MECOM: variants seen among roughly 807,000 people sequenced by gnomAD.
The protein encoded by MECOM is MDS1 and EVI1 complex locus.
MECOM carries 13 observed loss-of-function variants against 116.3 expected under a neutral mutation model. That is an observed-to-expected ratio of 0.11 (90% CI 0.07 to 0.18). The LOEUF is 0.18. MECOM is among the 10% of genes least tolerant of loss of function. The pLI, the probability that MECOM is intolerant of heterozygous loss-of-function variation, is 1.00. For synonymous variants in MECOM, 528 were observed against 535.2 expected, an observed-to-expected ratio of 0.99 and a Z score of 0.19; for missense variants, 1,299 against 1,509.0, an observed-to-expected ratio of 0.86 and a Z score of 2.31.
chr3:169,149,564 G>C (rs1740811315), intron 2 of MECOM: 6 of 316,252 alleles, frequency 1.9e-5, no homozygotes, highest in South Asian at 1.5e-4. Context: ...CTGCCCGCCA[G>C]GCGCCGGCAA....
intron 1 of MECOM, among the ~76,000 whole-genome samples, chr3:169,498,679 T>C (rs1424203891): frequency 6.6e-6 from 1 of 152,048 alleles, no homozygotes; most frequent in Admixed American, 6.6e-5. Context: ...TTCAAGAAAA[T>C]TCCCATGCAA....
At chr3:169,101,727 G>A (rs1723610034) in intron 11 of MECOM, among the ~76,000 whole-genome samples, 1 of 152,068 alleles carries the variant, frequency 6.6e-6, no homozygotes, top group Admixed American at 6.6e-5. Flanking sequence ...ATAAATATAT[G>A]CTTGAGGACA....
intron 2 of MECOM, among the ~76,000 whole-genome samples, chr3:169,267,868 G>A (rs1238930241): frequency 6.6e-6 from 1 of 152,164 alleles, no homozygotes; most frequent in East Asian, 1.9e-4. Flanking sequence ...GCAGGAAAAG[G>A]AAGAGAAGAC....
chr3:169,468,843 C>T (rs531525124), intron 1 of MECOM, among the ~76,000 whole-genome samples: 2 of 152,306 alleles, frequency 1.3e-5, no homozygotes, highest in South Asian at 2.1e-4. Context: ...GCCAACAACT[C>T]GCCTGGGAAC....
intron 2 of MECOM, among the ~76,000 whole-genome samples, chr3:169,335,629 A>G (rs1285899590): frequency 3.9e-5 from 6 of 152,196 alleles, no homozygotes; most frequent in African/African-American, 1.2e-4. Context: ...ATGACTTCAG[A>G]ACCCCACAGT....
chr3:169,435,001 T>C (rs1210876636), intron 1 of MECOM, among the ~76,000 whole-genome samples: 1 of 152,174 alleles, frequency 6.6e-6, no homozygotes, highest in Non-Finnish European at 1.5e-5. Flanking sequence ...AAGCCTGTAG[T>C]TTAACCAAGG....
intron 1 of MECOM, among the ~76,000 whole-genome samples, chr3:169,398,545 C>T (rs1455306566): frequency 6.6e-6 from 1 of 151,652 alleles, no homozygotes; most frequent in Non-Finnish European, 1.5e-5. Flanking sequence ...TTTTGAGGAC[C>T]TCACAAAGTT....
intron 1 of MECOM, among the ~76,000 whole-genome samples, chr3:169,516,876 A>ATAAC (rs1756694149): frequency 1.3e-5 from 2 of 152,342 alleles, no homozygotes; most frequent in South Asian, 4.1e-4. Context: ...CATTGAAATC[A>ATAAC]TAACCTAAAT....
At chr3:169,508,678 T>C (rs1481039745) in intron 1 of MECOM, among the ~76,000 whole-genome samples, 2 of 152,178 alleles carry the variant, frequency 1.3e-5, no homozygotes, top group African/African-American at 4.8e-5. Context: ...GCTATGCAAC[T>C]AGAAAAATAA....
intron 2 of MECOM, among the ~76,000 whole-genome samples, chr3:169,369,148 G>A (rs944489240): frequency 2.0e-5 from 3 of 151,832 alleles, no homozygotes; most frequent in African/African-American, 7.3e-5. Context: ...AGACATGCTG[G>A]ACTTCATTGA....
chr3:169,271,826 G>A (rs1758975583), intron 2 of MECOM, among the ~76,000 whole-genome samples: 1 of 152,074 alleles, frequency 6.6e-6, no homozygotes, highest in African/African-American at 2.4e-5. Context: ...CTCTTAAAAT[G>A]TCTCAGGGTA....
intron 1 of MECOM, among the ~76,000 whole-genome samples, chr3:169,430,137 T>C (rs934395186): frequency 1.3e-5 from 2 of 152,178 alleles, no homozygotes; most frequent in African/African-American, 2.4e-5. Flanking sequence ...TAAAGGTAAT[T>C]TGTTTTTCAA....
In MECOM at chr3:169,215,213, C is replaced by A. The variant is rs1184872945; in HGVS notation, c.376-71381G>T. Among the ~76,000 whole-genome samples the A allele has an allele frequency of 2.0e-5, 3 of 146,856 alleles. No homozygotes were observed. The South Asian group carries it at 6.4e-4, about 32-fold the overall frequency. ...CTTATGAAGTATTTTCCAGGAGACT[C>A]ATTGTCTTTTTTTTCCCCCTCCTCT... On this transcript the variant is annotated intron_variant, in intron 2 of 16. Transcript: ENST00000651503.
intron 8 of MECOM, among the ~76,000 whole-genome samples, chr3:169,114,512 G>C (rs1019358778): frequency 6.6e-6 from 1 of 151,986 alleles, no homozygotes; most frequent in Non-Finnish European, 1.5e-5. Flanking sequence ...AAGAGAATTA[G>C]GCAAAATATG....
intron 2 of MECOM, among the ~76,000 whole-genome samples, chr3:169,159,250 G>T (rs1228079470): frequency 6.6e-6 from 1 of 152,130 alleles, no homozygotes; most frequent in Non-Finnish European, 1.5e-5. Flanking sequence ...AACTTCTTCA[G>T]CCTCTCTTTT....
chr3:169,605,651 A>G (rs1358762316), intron 1 of MECOM, among the ~76,000 whole-genome samples: 1 of 152,192 alleles, frequency 6.6e-6, no homozygotes, highest in Non-Finnish European at 1.5e-5. Flanking sequence ...ATGTCGTGTG[A>G]TCAGGTGAGG....
chr3:169,406,652 A>T (rs1308644730), intron 1 of MECOM, among the ~76,000 whole-genome samples: 5 of 152,172 alleles, frequency 3.3e-5, no homozygotes, highest in African/African-American at 9.7e-5. Flanking sequence ...CGCATTTTAC[A>T]TCATTATCTT....
intron 2 of MECOM, among the ~76,000 whole-genome samples, chr3:169,211,221 G>A (rs1001610430): frequency 6.6e-6 from 1 of 152,064 alleles, no homozygotes; most frequent in Non-Finnish European, 1.5e-5. Context: ...CCAGCAACGT[G>A]TGCGATCTCT....
At chr3:169,247,732 C>T (rs1226880349) in intron 2 of MECOM, among the ~76,000 whole-genome samples, 2 of 152,250 alleles carry the variant, frequency 1.3e-5, no homozygotes, top group African/African-American at 4.8e-5. Flanking sequence ...ACACTCACTA[C>T]ATGCTTATCC....
Sources: allele counts gnomAD v4.1 joint callset (sites outside exome capture counted in the v4.1 genomes callset), GRCh38; gene constraint gnomAD v4.1.1; transcripts MANE v1.5; gene names NCBI Gene and HGNC (gene_info 2026-07-23, HGNC 2026-07-21).